Variants in SPNS2 observed in about 807,000 individuals in gnomAD.
SPNS2 encodes sphingosine-1-phosphate transporter SPNS2.
In SPNS2, 37 loss-of-function variants were observed where a neutral mutation model predicts 57.6. That is an observed-to-expected ratio of 0.64 (90% CI 0.49 to 0.85). SPNS2 has a LOEUF of 0.85. Among genes scored for constraint, SPNS2 ranks in the 40% least tolerant of loss-of-function variants. SPNS2 has a pLI of 0.00. For synonymous variants in SPNS2, 440 were observed against 346.9 expected, an observed-to-expected ratio of 1.27 and a Z score of -2.98; for missense variants, 831 against 779.1, an observed-to-expected ratio of 1.07 and a Z score of -0.79.
At chr17:4,533,648 T>G (rs1905611006) in intron 8 of SPNS2, 140 bp from the exon 9 acceptor site, 5 of 1,075,052 alleles carry the variant, frequency 4.7e-6, no homozygotes, top group Non-Finnish European at 6.8e-6. Context: ...AGTCTCTGGA[T>G]AGCCCATGAA....
At chr17:4,524,061 G>A (rs1210806648) in intron 2 of SPNS2, among the ~76,000 whole-genome samples, 1 of 152,204 alleles carries the variant, frequency 6.6e-6, no homozygotes, top group Non-Finnish European at 1.5e-5. Context: ...CATTAGGAAA[G>A]GCCCTGCGGC....
In SPNS2 at chr17:4,502,952, T is replaced by G. The variant is rs749735; in HGVS notation, c.370+3535T>G. ...TGAACCTGCTAATTACGGCCTCTCC[T>G]CCGCCCCATGAGAACCCCCTGAGGG... On this transcript the variant is annotated intron_variant, in intron 1 of 12. Coordinates refer to ENST00000329078, the MANE Select transcript of SPNS2 (RefSeq NM_001124758.3). Among the ~76,000 whole-genome samples the G allele has an allele frequency of 2.6e-3, 389 of 152,244 alleles. 1 individual carries two copies. Among genetic ancestry groups the G allele is most frequent in the African/African-American group, 8.7e-3 (362 of 41,554 alleles).
At chr17:4,520,033 G>T (rs931800022) in intron 2 of SPNS2, among the ~76,000 whole-genome samples, 7 of 152,232 alleles carry the variant, frequency 4.6e-5, no homozygotes, top group African/African-American at 1.7e-4. Context: ...ACCCTGGACT[G>T]CCATGTCCCA....
intron 2 of SPNS2, among the ~76,000 whole-genome samples, chr17:4,514,077 C>G (rs1904923252): frequency 6.6e-6 from 1 of 152,258 alleles, no homozygotes; most frequent in Non-Finnish European, 1.5e-5. Context: ...GGGCCCTTGG[C>G]TCCCTGGCCT....
chr17:4,501,534 T>C (rs902947270), intron 1 of SPNS2, among the ~76,000 whole-genome samples: 1 of 151,978 alleles, frequency 6.6e-6, no homozygotes, highest in African/African-American at 2.4e-5. Flanking sequence ...TGTGCCTCCC[T>C]CCCTCTCCTG....
chr17:4,516,344 C>G (rs5818961), intron 2 of SPNS2, among the ~76,000 whole-genome samples: 1 of 34,424 alleles, frequency 2.9e-5, no homozygotes, highest in Non-Finnish European at 5.0e-5. Flanking sequence ...AAAAAAAAAA[C>G]AAAAAAACCG....
chr17:4,533,065 C>A lies in SPNS2; in HGVS notation c.1024C>A (p.Arg342Ser), dbSNP rs746565744. The A allele has an allele frequency of 6.2e-7, 1 of 1,613,324 alleles. No homozygotes were observed. The highest frequency in any genetic ancestry group is 8.5e-7 in the Non-Finnish European group (1 of 1,179,954). The change falls in exon 7 of 13, where the codon CGC (arginine) becomes AGC (serine). Residue 342 changes from arginine (R) to serine (S), a missense_variant. Arg to Ser is a moderately radical substitution (Grantham distance 110). Around this residue, in one of 2 missense-constraint regions of SPNS2, gnomAD observed 526 missense variants for 400.9 expected, o/e 1.31. Transcript: ENST00000329078. ...LGMWIPLYLHRAQVVQKTAET... is the reference protein window; with the variant it reads ...LGMWIPLYLHSAQVVQKTAET... ...CATGTGGATCCCGCTCTACCTGCAC[C>A]GCGCCCAAGTTGTGCAGAAGACAGC... is the stretch of plus-strand genomic sequence containing the variant.
At chr17:4,524,089 A>C (rs1169857595) in intron 2 of SPNS2, among the ~76,000 whole-genome samples, 1 of 152,212 alleles carries the variant, frequency 6.6e-6, no homozygotes, top group Non-Finnish European at 1.5e-5. Flanking sequence ...GAGTGAGGGC[A>C]GCTGTGTGGT....
Position 4,536,966 on chromosome 17 carries a change from C to CACGTGGGGGCTCCCTAAG in SPNS2, c.*4+21_*4+38dup. ...GAGGTGGTGAGTGCAGGCCGGGAGG[C>CACGTGGGGGCTCCCTAAG]ACGTGGGGGCTCCCTAAGGAAAGGG... On this transcript the variant is annotated intron_variant, in intron 12 of 12. Transcript: ENST00000329078. The CACGTGGGGGCTCCCTAAG allele has an allele frequency of 6.2e-7, 1 of 1,610,688 alleles. No individual in the cohort carries two copies. The highest frequency in any genetic ancestry group is 8.5e-7 in the Non-Finnish European group (1 of 1,178,798).
chr17:4,538,651 T>C lies in SPNS2; in HGVS notation c.*1203T>C. 5 of 522,604 alleles carry C rather than the reference T, an allele frequency of 9.6e-6. No individual in the cohort carries two copies. In the South Asian group the frequency reaches 1.1e-4, roughly 12 times the overall value. 32.4% of individuals were successfully genotyped at this position (522,604 alleles called of 1,614,324 possible). On this transcript the variant is annotated 3_prime_UTR_variant, in exon 13 of 13. Coordinates refer to ENST00000329078, the MANE Select transcript of SPNS2 (RefSeq NM_001124758.3). ...CGGGGGTGGGGTGGGGGGTGAGGCC[T>C]TGTGGCCAATGGGGGACCCCCCAAG...
chr17:4,502,177 A>G (rs1012383854), intron 1 of SPNS2, among the ~76,000 whole-genome samples: 1 of 151,022 alleles, frequency 6.6e-6, no homozygotes, highest in East Asian at 2.1e-4. Flanking sequence ...GAAGTTCGAG[A>G]CCAGCCTGGT....
Position 4,525,052 on chromosome 17 carries a change from T to C in SPNS2, c.437-5T>C. ...GCCCCCCCTCAAGCTCTCCTCTCCC[T>C]GCAGTGTTCATCTGTAGCTTCATGG... On this transcript the variant is annotated splice_polypyrimidine_tract_variant and splice_region_variant and intron_variant, in intron 2 of 12. Coordinates refer to ENST00000329078, the MANE Select transcript of SPNS2 (RefSeq NM_001124758.3). 1 of 1,614,112 alleles carries C rather than the reference T, an allele frequency of 6.2e-7. No individual in the cohort carries two copies.
chr17:4,510,474 G>C lies in SPNS2; in HGVS notation c.371-2773G>C, dbSNP rs1268044298. 6.6e-6 allele frequency among the ~76,000 whole-genome samples: 1 copy of C among 152,198 alleles called. No homozygotes were observed. Among genetic ancestry groups the C allele is most frequent in the Non-Finnish European group, 1.5e-5 (1 of 68,032 alleles). On this transcript the variant is annotated intron_variant, in intron 1 of 12. Transcript: ENST00000329078. This position sits in a 1 kb window ranked among gnomAD's most constrained non-coding sequence, Gnocchi z 4.4. ...GAGGCAGAGGCAAATCCTGGACCTT[G>C]AAGTCATCGGATGGGGAAGTGTGCC...
chr17:4,517,930 T>A (rs1905037074), intron 2 of SPNS2, among the ~76,000 whole-genome samples: 1 of 152,336 alleles, frequency 6.6e-6, no homozygotes, highest in South Asian at 2.1e-4. Context: ...GGTGAGTTAA[T>A]GAGTAGACTA....
Position 4,511,366 on chromosome 17 carries a change from G to A in SPNS2, c.371-1881G>A, listed in dbSNP as rs761274353. ...TAGAAGAGGAAGTGTGCAGAGTCAG[G>A]GGGCCATGAGTAGTTTGGGGTGGCT... is the stretch of plus-strand genomic sequence containing the variant. On this transcript the variant is annotated intron_variant, in intron 1 of 12. Coordinates refer to ENST00000329078, the MANE Select transcript of SPNS2 (RefSeq NM_001124758.3). The surrounding 1 kb of genome is among the most constrained non-coding windows in gnomAD (Gnocchi z 4.6). Among the ~76,000 whole-genome samples, 2 of 152,228 alleles carry A rather than the reference G, an allele frequency of 1.3e-5. No individual in the cohort carries two copies. The highest frequency in any genetic ancestry group is 2.9e-5 in the Non-Finnish European group (2 of 68,038).
rs879907176 is a variant in SPNS2 at position 4,538,056 on chromosome 17, G to A, written c.*608G>A. The stretch of plus-strand genomic sequence containing the variant: ...GCGCCCAAGTCTCTGGGTACTCCCT[G>A]GAGGACACTGTCTCACTGTCTCGGG... On this transcript the variant is annotated 3_prime_UTR_variant, in exon 13 of 13. Coordinates refer to ENST00000329078, the MANE Select transcript of SPNS2 (RefSeq NM_001124758.3). The A allele has an allele frequency of 1.7e-5, 6 of 348,150 alleles. No individual in the cohort carries two copies. Among genetic ancestry groups the A allele is most frequent in the Admixed American group, 3.8e-5 (1 of 26,292 alleles). The allele number at this position is 348,150 out of a possible 1,614,324, so 21.6% of individuals were successfully genotyped here.
In SPNS2 at chr17:4,530,801, C is replaced by T; in HGVS notation, c.725+18C>T. On this transcript the variant is annotated intron_variant, in intron 4 of 12. Coordinates refer to ENST00000329078, the MANE Select transcript of SPNS2 (RefSeq NM_001124758.3). ...CTGGGCAGGTGAGAGCCGGAGATGC[C>T]AGGGTCTGGGTGAGGATCTGGGCAA... 1 of 1,607,430 alleles carries T rather than the reference C, an allele frequency of 6.2e-7. No homozygotes were observed. The highest frequency in any genetic ancestry group is 1.1e-5 in the South Asian group (1 of 90,744).
intron 1 of SPNS2, among the ~76,000 whole-genome samples, chr17:4,500,151 C>T (rs1239670934): frequency 1.3e-5 from 2 of 152,204 alleles, no homozygotes; most frequent in Non-Finnish European, 2.9e-5. Context: ...AGACGTGGAG[C>T]CTCATCCTCA....
chr17:4,534,613 CTG>C (rs1905677729), intron 9 of SPNS2, among the ~76,000 whole-genome samples: 1 of 152,124 alleles, frequency 6.6e-6, no homozygotes, highest in Admixed American at 6.5e-5. Context: ...GTGCCAGGCA[CTG>C]CGGCCCCTGC....
Sources: gnomAD v4.1 joint callset for allele counts (sites outside exome capture counted in the v4.1 genomes callset) on GRCh38, gnomAD v4.1.1 for gene constraint, gnomAD v4.1.1 regional missense constraint, Gnocchi (gnomAD v3.1) non-coding constraint, MANE v1.5 for transcripts, NCBI Gene and HGNC (gene_info 2026-07-23, HGNC 2026-07-21) for gene names.